RABGAP1L: variants seen among roughly 807,000 people sequenced by gnomAD.
RABGAP1L encodes the protein rab GTPase-activating protein 1-like.
In RABGAP1L, 63 loss-of-function variants were observed where a neutral mutation model predicts 137.7. That is an observed-to-expected ratio of 0.46 (90% CI 0.37 to 0.56). The LOEUF (loss-of-function observed/expected upper bound fraction) is 0.56, where lower values mean the gene tolerates loss of function less well. Ranked by LOEUF, RABGAP1L falls within the 20% of genes least tolerant of loss-of-function variation. RABGAP1L has a pLI of 0.00. For missense variants in RABGAP1L, 1,095 were observed against 1,244.0 expected (o/e 0.88, Z 1.80); for synonymous variants, 431 against 433.7 (o/e 0.99, Z 0.08).
At chr1:174,264,607 A>C (rs986648669) in intron 7 of RABGAP1L, among the ~76,000 whole-genome samples, 2 of 152,108 alleles carry the variant, frequency 1.3e-5, no homozygotes, top group Non-Finnish European at 2.9e-5. Flanking sequence ...TCCTCCTGTA[A>C]TTTCTCACAG....
chr1:174,820,213 C>T (rs1192038070), intron 19 of RABGAP1L, among the ~76,000 whole-genome samples: 1 of 152,066 alleles, frequency 6.6e-6, no homozygotes, highest in East Asian at 1.9e-4. Flanking sequence ...GTTATTTTAA[C>T]CACAGTTGAG....
At chr1:174,984,044 G>T (rs2301507) in intron 24 of RABGAP1L, among the ~76,000 whole-genome samples, 109,572 of 140,468 alleles carry the variant, frequency 0.78, 42,345 homozygotes, top group African/African-American at 0.94. Flanking sequence ...AATTTTTTTT[G>T]TATTTCTTCT....
Position 174,253,270 on chromosome 1 carries a change from A to G in RABGAP1L, c.986+680A>G, listed in dbSNP as rs1393774243. ...AAAAAGACAGGGAAATGCGAATTAT[A>G]GTAACCTTAAGATATCAGATTGCAA... On this transcript the variant is annotated intron_variant, in intron 7 of 25. Transcript: ENST00000681986. Among the ~76,000 whole-genome samples the G allele has an allele frequency of 2.6e-5, 4 of 152,292 alleles. No individual in the cohort carries two copies. In the East Asian group the frequency reaches 7.7e-4, roughly 29 times the overall value.
intron 1 of RABGAP1L, among the ~76,000 whole-genome samples, chr1:174,215,457 C>CAAAAAAAAAA: frequency 8.2e-6 from 1 of 121,728 alleles, no homozygotes; most frequent in Non-Finnish European, 1.7e-5. Flanking sequence ...AACTCCATCT[C>CAAAAAAAAAA]AAAAAAAAAA....
chr1:174,607,529 G>C (rs892118847), intron 13 of RABGAP1L, among the ~76,000 whole-genome samples: 1 of 152,120 alleles, frequency 6.6e-6, no homozygotes, highest in South Asian at 2.1e-4. Context: ...GGATCACAAT[G>C]CTGCATCTTT....
intron 2 of RABGAP1L, among the ~76,000 whole-genome samples, chr1:174,220,038 A>T (rs532657666): frequency 6.6e-6 from 1 of 152,226 alleles, no homozygotes; most frequent in Non-Finnish European, 1.5e-5. Context: ...ATATTGTTTT[A>T]TAATTTTATT....
chr1:174,345,536 T>G (rs1391609703), intron 11 of RABGAP1L, among the ~76,000 whole-genome samples: 1 of 152,222 alleles, frequency 6.6e-6, no homozygotes, highest in Non-Finnish European at 1.5e-5. Flanking sequence ...AGGTATTTAA[T>G]TATTTTTTAG....
chr1:174,713,051 A>G (rs1450149100), intron 17 of RABGAP1L, among the ~76,000 whole-genome samples: 2 of 152,230 alleles, frequency 1.3e-5, no homozygotes, highest in African/African-American at 4.8e-5. Flanking sequence ...ACAGGCCCAG[A>G]GGTGGAGCCC....
chr1:174,390,779 T>A (rs1687159373), intron 12 of RABGAP1L, among the ~76,000 whole-genome samples: 5 of 152,004 alleles, frequency 3.3e-5, no homozygotes. Flanking sequence ...AGGTTTCCAG[T>A]TTGGATGGAG....
chr1:174,846,380 C>G (rs1694051072), intron 19 of RABGAP1L, among the ~76,000 whole-genome samples: 2 of 151,548 alleles, frequency 1.3e-5, no homozygotes, highest in Admixed American at 1.3e-4. Flanking sequence ...ATAAATTTCC[C>G]TCTACACACT....
chr1:174,933,338 G>T (rs895926192), intron 19 of RABGAP1L, among the ~76,000 whole-genome samples: 2 of 151,950 alleles, frequency 1.3e-5, no homozygotes, highest in Admixed American at 1.3e-4. Flanking sequence ...CCCTTCCATG[G>T]ATGCCTTTCT....
chr1:174,762,221 C>G (rs563370892), intron 18 of RABGAP1L, among the ~76,000 whole-genome samples: 1 of 152,302 alleles, frequency 6.6e-6, no homozygotes, highest in East Asian at 1.9e-4. Context: ...ACAATTTTGA[C>G]ACAGTCCACA....
chr1:174,577,321 TTATA>T (rs1237539685), intron 13 of RABGAP1L, among the ~76,000 whole-genome samples: 1 of 143,890 alleles, frequency 6.9e-6, no homozygotes, highest in Non-Finnish European at 1.5e-5. Flanking sequence ...ATAAATATAT[TTATA>T]TATATATATA....
At chr1:174,550,818 A>T (rs1379742499) in intron 13 of RABGAP1L, among the ~76,000 whole-genome samples, 2 of 139,648 alleles carry the variant, frequency 1.4e-5, no homozygotes, top group Non-Finnish European at 3.0e-5. Context: ...TGGAGATTGA[A>T]ATCATCCTGG....
chr1:174,861,411 C>T (rs1288844289), intron 19 of RABGAP1L, among the ~76,000 whole-genome samples: 1 of 152,024 alleles, frequency 6.6e-6, no homozygotes, highest in African/African-American at 2.4e-5. Flanking sequence ...AATTCTGCAG[C>T]GAATGTAGGA....
chr1:174,658,632 G>A (rs1296934872), intron 14 of RABGAP1L, among the ~76,000 whole-genome samples: 1 of 151,980 alleles, frequency 6.6e-6, no homozygotes, highest in Non-Finnish European at 1.5e-5. Context: ...TCCTTATCTT[G>A]TCATACATTG....
In RABGAP1L at chr1:174,773,502, A is replaced by C. The variant is rs984227822; in HGVS notation, c.2211+21148A>C. Among the ~76,000 whole-genome samples, 78 of 152,210 alleles carry C rather than the reference A, an allele frequency of 5.1e-4. 2 individuals are homozygous for C. The highest frequency in any genetic ancestry group is 1.5e-5 in the Non-Finnish European group (1 of 68,044). On this transcript the variant is annotated intron_variant, in intron 18 of 25. Coordinates refer to ENST00000681986, the MANE Select transcript of RABGAP1L (RefSeq NM_001366446.1). ...CACAAATCTATGTTGACATCATACT[A>C]TGAGTGAAAACAGGTTTTTTAATTC...
intron 1 of RABGAP1L, among the ~76,000 whole-genome samples, chr1:174,173,396 C>T (rs767104869): frequency 6.6e-6 from 1 of 152,110 alleles, no homozygotes; most frequent in African/African-American, 2.4e-5. Flanking sequence ...TCCCAAAGTG[C>T]TGGGATTACA....
chr1:174,240,227 T>C (rs1671681271), intron 4 of RABGAP1L, among the ~76,000 whole-genome samples: 1 of 151,538 alleles, frequency 6.6e-6, no homozygotes, highest in Non-Finnish European at 1.5e-5. Flanking sequence ...TTTGTTTTGT[T>C]TTGTTTTGTT....
Sources: allele counts gnomAD v4.1 joint callset (sites outside exome capture counted in the v4.1 genomes callset), GRCh38; gene constraint gnomAD v4.1.1; transcripts MANE v1.5; gene names NCBI Gene and HGNC (gene_info 2026-07-23, HGNC 2026-07-21).